PLCL1: variants seen among roughly 807,000 people sequenced by gnomAD.
PLCL1 encodes phospholipase C like 1 (inactive).
Under a neutral mutation model 84.4 loss-of-function variants are expected in PLCL1, and 41 were observed. The observed-to-expected ratio is 0.49, with a 90% confidence interval of 0.38 to 0.63. The LOEUF (loss-of-function observed/expected upper bound fraction) is 0.63, where lower values mean the gene tolerates loss of function less well. PLCL1 is among the 30% of genes least tolerant of loss of function. PLCL1 has a pLI of 0.00. For missense variants in PLCL1, 1,206 were observed against 1,367.8 expected, an observed-to-expected ratio of 0.88 and a Z score of 1.87; for synonymous variants, 490 against 488.3, an observed-to-expected ratio of 1.00 and a Z score of -0.05.
intron 1 of PLCL1, among the ~76,000 whole-genome samples, chr2:197,968,337 C>T (rs1052135281): frequency 3.9e-5 from 6 of 152,140 alleles, no homozygotes; most frequent in Admixed American, 3.9e-4. Context: ...TCCATCATTC[C>T]TAGCAAGGTG....
chr2:197,882,974 C>T (rs114431828), intron 1 of PLCL1, among the ~76,000 whole-genome samples: 44 of 152,116 alleles, frequency 2.9e-4, no homozygotes, highest in African/African-American at 1.1e-3. Flanking sequence ...ATTCCATTTA[C>T]ATCAGGTTCA....
intron 1 of PLCL1, among the ~76,000 whole-genome samples, chr2:197,813,890 C>T (rs1343242149): frequency 2.0e-5 from 3 of 152,108 alleles, no homozygotes; most frequent in Admixed American, 1.3e-4. Flanking sequence ...TGATTTGAAG[C>T]TTAGCTGGTG....
At chr2:197,972,233 A>G (rs1300484126) in intron 1 of PLCL1, among the ~76,000 whole-genome samples, 1 of 152,256 alleles carries the variant, frequency 6.6e-6, no homozygotes, top group Non-Finnish European at 1.5e-5. Context: ...AAGTTTCGTC[A>G]AAGAAAGGCA....
intron 1 of PLCL1, among the ~76,000 whole-genome samples, chr2:198,052,303 G>A (rs1160370540): frequency 2.0e-5 from 3 of 152,088 alleles, no homozygotes; most frequent in East Asian, 3.9e-4. Flanking sequence ...CTCCTGCCTC[G>A]GCCTCCCAAA....
intron 5 of PLCL1, among the ~76,000 whole-genome samples, chr2:198,112,252 C>T (rs750538294): frequency 5.9e-5 from 9 of 151,888 alleles, no homozygotes; most frequent in African/African-American, 1.4e-4. Flanking sequence ...CACCCCTGAG[C>T]GAATGGATAC....
At chr2:198,056,241 A>C (rs1251514179) in intron 1 of PLCL1, among the ~76,000 whole-genome samples, 1 of 152,252 alleles carries the variant, frequency 6.6e-6, no homozygotes, top group East Asian at 1.9e-4. Flanking sequence ...TTCTAGCAAC[A>C]GAATTTTTCA....
intron 1 of PLCL1, among the ~76,000 whole-genome samples, chr2:198,045,328 T>G (rs533268418): frequency 6.6e-6 from 1 of 152,318 alleles, no homozygotes; most frequent in East Asian, 1.9e-4. Context: ...AGATTTGCTT[T>G]AATCTCCCAG....
chr2:197,922,745 C>T (rs1418284434), intron 1 of PLCL1, among the ~76,000 whole-genome samples: 1 of 123,432 alleles, frequency 8.1e-6, no homozygotes, highest in Non-Finnish European at 1.8e-5. Context: ...CGCCCCTCAC[C>T]TCCCGGACGG....
Position 198,085,958 on chromosome 2 carries a change from T to C in PLCL1, c.2441T>C (p.Ile814Thr). Residue 814 changes from isoleucine to threonine, a missense_variant, in exon 2 of 6, where the codon ATA becomes ACA. By Grantham distance (89) the Ile-to-Thr change is moderately conservative. Transcript: ENST00000428675. The surrounding 1 kb of genome is among the most constrained non-coding windows in gnomAD (Gnocchi z 5.3). ...GATGAGTTTATAGGGCAATATACGATACCATTTGAATGTTTGCAGCCTGGA... is the reference window on the plus strand; with the variant it reads ...GATGAGTTTATAGGGCAATATACGACACCATTTGAATGTTTGCAGCCTGGA... Reference protein sequence around the residue: ...IGDEFIGQYTIPFECLQPGYR... With the variant: ...IGDEFIGQYTTPFECLQPGYR... 2 of 1,614,146 alleles carry C rather than the reference T, an allele frequency of 1.2e-6. No homozygotes were observed. Among genetic ancestry groups the C allele is most frequent in the Non-Finnish European group, 1.7e-6 (2 of 1,180,004 alleles).
intron 1 of PLCL1, among the ~76,000 whole-genome samples, chr2:197,923,627 T>G (rs942207288): frequency 6.2e-4 from 91 of 145,948 alleles, no homozygotes; most frequent in African/African-American, 2.2e-3. Context: ...GCTCCTCACT[T>G]CCTAGATGGG....
intron 5 of PLCL1, among the ~76,000 whole-genome samples, chr2:198,118,418 T>G (rs1376168942): frequency 2.0e-5 from 3 of 151,900 alleles, no homozygotes; most frequent in Non-Finnish European, 2.9e-5. Flanking sequence ...ATAAAGTGAC[T>G]ACTACTGTCC....
Position 197,867,208 on chromosome 2 carries a change from T to A in PLCL1, c.240+61869T>A, listed in dbSNP as rs199967144. On this transcript the variant is annotated intron_variant, in intron 1 of 5. Transcript: ENST00000428675. ...TGCAATGCCTTCTTTTACTTTTGCA[T>A]GTCCTTCCTGGCCTGACTGATGTGG... 4.6e-5 allele frequency among the ~76,000 whole-genome samples: 7 copies of A among 152,300 alleles called. No homozygotes were observed. In the East Asian group the frequency reaches 1.4e-3, roughly 29 times the overall value.
intron 1 of PLCL1, among the ~76,000 whole-genome samples, chr2:197,836,867 T>A (rs964731548): frequency 6.6e-6 from 1 of 152,130 alleles, no homozygotes; most frequent in African/African-American, 2.4e-5. Context: ...CTTATTTTTT[T>A]AAAGTTGTTT....
At chr2:198,143,341 A>G (rs1694433962) in intron 5 of PLCL1, among the ~76,000 whole-genome samples, 1 of 152,184 alleles carries the variant, frequency 6.6e-6, no homozygotes, top group African/African-American at 2.4e-5. Flanking sequence ...GAGCTCAGGC[A>G]GTAATGCTCA....
At chr2:197,948,126 G>T (rs1049774205) in intron 1 of PLCL1, among the ~76,000 whole-genome samples, 2 of 152,104 alleles carry the variant, frequency 1.3e-5, no homozygotes, top group South Asian at 4.2e-4. Context: ...GAAACAGGAT[G>T]GTAGATGGGA....
At chr2:197,810,220 A>G in intron 1 of PLCL1, 4 of 873,316 alleles carry the variant, frequency 4.6e-6, no homozygotes, top group Non-Finnish European at 6.3e-6. Flanking sequence ...TTGCCATAGT[A>G]ACATGGTCAC....
chr2:198,131,131 A>T (rs1232797591), intron 5 of PLCL1, among the ~76,000 whole-genome samples: 1 of 152,164 alleles, frequency 6.6e-6, no homozygotes, highest in Non-Finnish European at 1.5e-5. Flanking sequence ...TTTCATGCTG[A>T]GTAGTCACAT....
chr2:198,114,934 A>T (rs1693708797), intron 5 of PLCL1, among the ~76,000 whole-genome samples: 1 of 151,866 alleles, frequency 6.6e-6, no homozygotes, highest in African/African-American at 2.4e-5. Context: ...TTATCACAAT[A>T]AGGAGAGGGG....
rs139905033 is a variant in PLCL1, at chr2:198,012,044, A to T, written c.241-71714A>T. Among the ~76,000 whole-genome samples, 95 of 147,248 alleles carry T rather than the reference A, an allele frequency of 6.5e-4. 3 individuals are homozygous for T. In the South Asian group the frequency reaches 0.014, roughly 22 times the overall value. Reference sequence around the variant, plus strand: ...CCAATCAGTAATTCTAATTTCTATCAATTGTATGAGACAGAACACTCAAAC... The same window carrying T: ...CCAATCAGTAATTCTAATTTCTATCTATTGTATGAGACAGAACACTCAAAC... On this transcript the variant is annotated intron_variant, in intron 1 of 5. Coordinates refer to ENST00000428675, the MANE Select transcript of PLCL1 (RefSeq NM_006226.4).
Sources: allele counts gnomAD v4.1 joint callset (sites outside exome capture counted in the v4.1 genomes callset), GRCh38; gene constraint gnomAD v4.1.1; non-coding constraint Gnocchi (gnomAD v3.1); transcripts MANE v1.5; gene names NCBI Gene and HGNC (gene_info 2026-07-23, HGNC 2026-07-21).